ATP8A1: variants seen among roughly 807,000 people sequenced by gnomAD.
ATP8A1 encodes ATPase phospholipid transporting 8A1.
Under a neutral mutation model 177.7 loss-of-function variants are expected in ATP8A1, and 90 were observed. The ratio of observed to expected loss-of-function variants is 0.51; its 90% CI spans 0.43 to 0.60. The LOEUF (loss-of-function observed/expected upper bound fraction) is 0.60, where lower values mean the gene tolerates loss of function less well. Among genes scored for constraint, ATP8A1 ranks in the 20% least tolerant of loss-of-function variants. The pLI is 0.00. For synonymous variants in ATP8A1, 493 were observed against 485.9 expected (o/e 1.01, Z -0.19); for missense variants, 1,072 against 1,392.8 (o/e 0.77, Z 3.67).
intron 30 of ATP8A1, among the ~76,000 whole-genome samples, chr4:42,451,091 C>G (rs28412182): frequency 0.039 from 5,900 of 152,144 alleles, 186 homozygotes; most frequent in South Asian, 0.088. Flanking sequence ...TCTAAGTATG[C>G]TAAATCTTTA....
intron 24 of ATP8A1, among the ~76,000 whole-genome samples, chr4:42,487,184 T>G (rs1233674065): frequency 6.6e-6 from 1 of 152,172 alleles, no homozygotes; most frequent in Non-Finnish European, 1.5e-5. Flanking sequence ...ATGGATCAAA[T>G]AAAAGAACGC....
chr4:42,591,346 C>CCCCACTG (rs1342681837), intron 6 of ATP8A1, among the ~76,000 whole-genome samples: 1 of 151,296 alleles, frequency 6.6e-6, no homozygotes, highest in Non-Finnish European at 1.5e-5. Flanking sequence ...CTAGTCCCTG[C>CCCCACTG]CCCACTTAAA....
At chr4:42,521,806 C>T (rs1251789706) in intron 22 of ATP8A1, among the ~76,000 whole-genome samples, 11 of 152,102 alleles carry the variant, frequency 7.2e-5, no homozygotes, top group Admixed American at 7.2e-4. Flanking sequence ...TAGTTATTAA[C>T]TCAAAGCACA....
intron 6 of ATP8A1, 55 bp from the exon 7 acceptor site, chr4:42,590,939 GA>G (rs1011272683): frequency 4.6e-5 from 63 of 1,355,960 alleles, no homozygotes; most frequent in Non-Finnish European, 5.6e-5. Flanking sequence ...ATGAACAGAG[GA>G]AAAAAAACAA....
intron 24 of ATP8A1, among the ~76,000 whole-genome samples, chr4:42,488,999 T>C (rs1292531561): frequency 1.3e-5 from 2 of 152,144 alleles, no homozygotes; most frequent in African/African-American, 4.8e-5. Context: ...ATTTCCCCCT[T>C]TATTATCACT....
At chr4:42,655,224 T>C (rs1479767109) in intron 1 of ATP8A1, among the ~76,000 whole-genome samples, 1 of 152,232 alleles carries the variant, frequency 6.6e-6, no homozygotes, top group African/African-American at 2.4e-5. Context: ...GGCCACAGTT[T>C]CCTCAACTAT....
Position 42,421,640 on chromosome 4 carries a change from A to G in ATP8A1, c.3305+1167T>C, listed in dbSNP as rs370535217. Among the ~76,000 whole-genome samples, 23 of 152,300 alleles carry G rather than the reference A, an allele frequency of 1.5e-4. No individual in the cohort carries two copies. The East Asian group carries it at 3.5e-3, about 23-fold the overall frequency. ...ACACTGGTGTGTGATGTGTTCCTTC[A>G]GCATAATGAGAGCAAGAGAGCTGGA... On this transcript the variant is annotated intron_variant, in intron 35 of 36. Transcript: ENST00000381668.
In ATP8A1 at chr4:42,556,379, A is replaced by G. The variant is rs182343927; in HGVS notation, c.1341-339T>C. 7.5e-4 allele frequency: 133 copies of G among 176,758 alleles called. 1 individual carries two copies. The highest frequency in any genetic ancestry group is 2.7e-3 in the African/African-American group (114 of 42,714). The allele number at this position is 176,758 out of a possible 1,614,324, so 10.9% of individuals were successfully genotyped here. On this transcript the variant is annotated intron_variant, in intron 15 of 36. Coordinates refer to ENST00000381668, the MANE Select transcript of ATP8A1 (RefSeq NM_006095.2). ...CTGGAATTGAATTTCTTCCACTTCC[A>G]TAATATTTTCAATTTTTAGGATTCT...
chr4:42,533,127 T>G (rs1578118945), intron 20 of ATP8A1, among the ~76,000 whole-genome samples: 1 of 152,130 alleles, frequency 6.6e-6, no homozygotes, highest in Non-Finnish European at 1.5e-5. Context: ...CACATGAACA[T>G]ATCAGGAAAG....
rs1281331311 is a variant in ATP8A1, at chr4:42,547,219, T to TA, written c.1652+1793dup. 3.3e-5 allele frequency among the ~76,000 whole-genome samples: 5 copies of TA among 152,190 alleles called. No homozygotes were observed. The East Asian group carries it at 9.6e-4, about 29-fold the overall frequency. On this transcript the variant is annotated intron_variant, in intron 19 of 36. Coordinates refer to ENST00000381668, the MANE Select transcript of ATP8A1 (RefSeq NM_006095.2). ...CATCTGTGTAAATGGTACCTCTATCTACCCAGTTGTTCATGCCAGAGACCC... is the reference window on the plus strand; with the variant it reads ...CATCTGTGTAAATGGTACCTCTATCTAACCCAGTTGTTCATGCCAGAGACCC...
chr4:42,544,892 T>C (rs1203516897), intron 19 of ATP8A1, among the ~76,000 whole-genome samples: 1 of 152,132 alleles, frequency 6.6e-6, no homozygotes, highest in Non-Finnish European at 1.5e-5. Context: ...CCTGGCACGG[T>C]GGCTCATGCC....
intron 30 of ATP8A1, among the ~76,000 whole-genome samples, chr4:42,448,490 T>C (rs924664919): frequency 7.1e-6 from 1 of 140,394 alleles, no homozygotes; most frequent in Non-Finnish European, 1.5e-5. Flanking sequence ...CTCCACCTCC[T>C]GGGTTCAAGC....
chr4:42,535,510 T>C (rs1001170190), intron 20 of ATP8A1, among the ~76,000 whole-genome samples: 1 of 152,088 alleles, frequency 6.6e-6, no homozygotes, highest in East Asian at 1.9e-4. Context: ...AGCACAATAA[T>C]AGTGGGGGAC....
At chr4:42,473,932 G>T (rs904056097) in intron 25 of ATP8A1, among the ~76,000 whole-genome samples, 4 of 151,948 alleles carry the variant, frequency 2.6e-5, no homozygotes, top group Admixed American at 2.6e-4. Flanking sequence ...AGGATTACAG[G>T]TGTGAGCCAT....
intron 1 of ATP8A1, among the ~76,000 whole-genome samples, chr4:42,638,023 A>G (rs1378004796): frequency 2.0e-5 from 3 of 152,214 alleles, no homozygotes; most frequent in Admixed American, 1.3e-4. Context: ...GGGTATGGGT[A>G]AGTATCTATT....
At position 42,511,392 on chromosome 4, in the gene ATP8A1, G is replaced by A. The variant is rs76454979; in HGVS notation, c.1948-4238C>T. 3.0e-3 allele frequency among the ~76,000 whole-genome samples: 454 copies of A among 152,190 alleles called. 3 individuals are homozygous for A. The highest frequency in any genetic ancestry group is 5.1e-3 in the Non-Finnish European group (344 of 67,988). On this transcript the variant is annotated intron_variant, in intron 22 of 36. Coordinates refer to ENST00000381668, the MANE Select transcript of ATP8A1 (RefSeq NM_006095.2). ...TAGGGGAATTACATATTCAGCAAGT[G>A]TTGAAATGCGATAAAATTCCCATGG...
chr4:42,579,399 A>G (rs903226150), intron 11 of ATP8A1, among the ~76,000 whole-genome samples: 1 of 147,964 alleles, frequency 6.8e-6, no homozygotes, highest in Non-Finnish European at 1.5e-5. Context: ...TTATTTAAAT[A>G]TATTTAAAAT....
chr4:42,446,393 TATTTC>T (rs1053838328), intron 31 of ATP8A1, among the ~76,000 whole-genome samples, 185 bp downstream of exon 31: 22 of 152,290 alleles, frequency 1.4e-4, no homozygotes, highest in Admixed American at 1.4e-3. Context: ...TCAGTTATTT[TATTTC>T]ATTATTTGAT....
Position 42,455,335 on chromosome 4 carries a change from A to G in ATP8A1, c.2779T>C (p.Tyr927His). ...KENMLKYPEL[Y>H]KTSQNALDFN... Reference sequence around the variant, plus strand: ...TCCAGGGCATTCTGAGATGTTTTGTATAATTCAGGGTACTTCAACATGTTC... The same window carrying G: ...TCCAGGGCATTCTGAGATGTTTTGTGTAATTCAGGGTACTTCAACATGTTC... The change falls in exon 29 of 37, where the codon TAC (tyrosine) becomes CAC (histidine). Residue 927 changes from tyrosine to histidine, a missense_variant. Physicochemically the swap from Tyr to His is moderately conservative, Grantham distance 83. Around this residue, in one of 5 missense-constraint regions of ATP8A1, gnomAD observed 316 missense variants for 459.1 expected, o/e 0.69. Transcript: ENST00000381668. The G allele has an allele frequency of 6.2e-7, 1 of 1,613,924 alleles. No homozygotes were observed. The highest frequency in any genetic ancestry group is 8.5e-7 in the Non-Finnish European group (1 of 1,179,812).
Sources: allele counts gnomAD v4.1 joint callset (sites outside exome capture counted in the v4.1 genomes callset), GRCh38; gene constraint gnomAD v4.1.1; regional missense constraint gnomAD v4.1.1; transcripts MANE v1.5; gene names NCBI Gene and HGNC (gene_info 2026-07-23, HGNC 2026-07-21).